CREB5: variants seen among roughly 807,000 people sequenced by gnomAD.
CREB5 encodes cyclic AMP-responsive element-binding protein 5.
Under a neutral mutation model 57.1 loss-of-function variants are expected in CREB5, and 19 were observed. That is an observed-to-expected ratio of 0.33 (90% confidence interval 0.23 to 0.49). The LOEUF is 0.49. Among genes scored for constraint, CREB5 ranks in the 20% least tolerant of loss-of-function variants. CREB5 has a pLI of 0.99. For synonymous variants in CREB5, 238 were observed against 238.3 expected, an observed-to-expected ratio of 1.00 and a Z score of 0.01; for missense variants, 579 against 671.6, an observed-to-expected ratio of 0.86 and a Z score of 1.52.
At chr7:28,492,604 T>C (rs1791852869) in intron 2 of CREB5, among the ~76,000 whole-genome samples, 1 of 152,028 alleles carries the variant, frequency 6.6e-6, no homozygotes, top group African/African-American at 2.4e-5. Flanking sequence ...AATTGTTATT[T>C]AAGAAGTATT....
At chr7:28,300,024 G>A (rs763328007) in intron 1 of CREB5, among the ~76,000 whole-genome samples, 9 of 151,542 alleles carry the variant, frequency 5.9e-5, no homozygotes, top group African/African-American at 1.5e-4. Context: ...CCTGTTTTCC[G>A]TTTTGTTATT....
intron 4 of CREB5, among the ~76,000 whole-genome samples, chr7:28,560,913 T>TGCGTGC: frequency 4.5e-5 from 1 of 21,998 alleles, no homozygotes; most frequent in African/African-American, 1.7e-4. Context: ...CGCGTGCGTG[T>TGCGTGC]GCGTGTGTGC....
chr7:28,608,150 CACA>C (rs1245726434), intron 5 of CREB5, among the ~76,000 whole-genome samples: 1 of 151,210 alleles, frequency 6.6e-6, no homozygotes, highest in African/African-American at 2.4e-5. Flanking sequence ...CACACACACA[CACA>C]CACTCTCAAA....
chr7:28,694,911 C>G (rs908624224), intron 5 of CREB5, among the ~76,000 whole-genome samples: 1 of 152,132 alleles, frequency 6.6e-6, no homozygotes, highest in Non-Finnish European at 1.5e-5. Context: ...CAACCCAACC[C>G]GTTCACCTTA....
intron 4 of CREB5, among the ~76,000 whole-genome samples, chr7:28,517,488 G>A (rs1793021254): frequency 6.6e-6 from 1 of 152,124 alleles, no homozygotes; most frequent in Non-Finnish European, 1.5e-5. Context: ...AACCATGCAG[G>A]GCCATTTCCC....
intron 5 of CREB5, among the ~76,000 whole-genome samples, chr7:28,647,512 C>CA (rs1331043370): frequency 6.6e-6 from 1 of 152,014 alleles, no homozygotes; most frequent in East Asian, 1.9e-4. Context: ...AGTAAACAAA[C>CA]AAAAAATCCA....
chr7:28,501,188 T>A (rs1236782607), intron 3 of CREB5, among the ~76,000 whole-genome samples: 1 of 152,222 alleles, frequency 6.6e-6, no homozygotes, highest in Non-Finnish European at 1.5e-5. Flanking sequence ...AAGAACACAT[T>A]TTGGTCTCAG....
intron 1 of CREB5, among the ~76,000 whole-genome samples, chr7:28,305,079 A>G (rs934374618): frequency 6.6e-6 from 1 of 152,056 alleles, no homozygotes; most frequent in Non-Finnish European, 1.5e-5. Context: ...CAAAGCTATG[A>G]GTTGCCAATC....
At chr7:28,719,632 G>A (rs374963513) in intron 6 of CREB5, among the ~76,000 whole-genome samples, 3 of 152,260 alleles carry the variant, frequency 2.0e-5, no homozygotes, top group East Asian at 1.9e-4. Flanking sequence ...TTCCAGATGA[G>A]GAGACTGAGG....
chr7:28,464,568 G>A (rs1230718848), intron 1 of CREB5, among the ~76,000 whole-genome samples: 1 of 149,772 alleles, frequency 6.7e-6, no homozygotes, highest in South Asian at 2.1e-4. Context: ...CTTGTTGCAT[G>A]TTTATTCAGA....
chr7:28,655,938 C>T (rs1027353217), intron 5 of CREB5, among the ~76,000 whole-genome samples: 1 of 151,972 alleles, frequency 6.6e-6, no homozygotes, highest in African/African-American at 2.4e-5. Flanking sequence ...AATTAATCCC[C>T]ATCAAGGCCA....
At chr7:28,316,745 C>T (rs1047161108) in intron 1 of CREB5, among the ~76,000 whole-genome samples, 1 of 152,088 alleles carries the variant, frequency 6.6e-6, no homozygotes, top group African/African-American at 2.4e-5. Flanking sequence ...CTTAGTACAG[C>T]ATGATTGAGT....
chr7:28,498,778 C>T lies in CREB5; in HGVS notation c.169+3779C>T, dbSNP rs79904758. ...GAGAGCAAAGACTTGCACAACCCTTCGCCTGGGTCTTCTCATCTTTATTTG... is the reference window on the plus strand; with the variant it reads ...GAGAGCAAAGACTTGCACAACCCTTTGCCTGGGTCTTCTCATCTTTATTTG... On this transcript the variant is annotated intron_variant, in intron 3 of 10. Coordinates refer to ENST00000357727, the MANE Select transcript of CREB5 (RefSeq NM_182898.4). Among the ~76,000 whole-genome samples the T allele has an allele frequency of 3.2e-3, 486 of 152,252 alleles. 7 individuals carry two copies. In the South Asian group the frequency reaches 0.032, roughly 10 times the overall value.
chr7:28,343,661 T>C (rs1003161559), intron 1 of CREB5, among the ~76,000 whole-genome samples: 4 of 152,236 alleles, frequency 2.6e-5, no homozygotes, highest in Admixed American at 1.3e-4. Flanking sequence ...TCTTGGCTAT[T>C]GCGCAATAAA....
chr7:28,384,981 T>C (rs1318122904), intron 1 of CREB5, among the ~76,000 whole-genome samples: 3 of 152,302 alleles, frequency 2.0e-5, no homozygotes, highest in African/African-American at 7.2e-5. Context: ...AATCAGTGTT[T>C]ATATAATTAG....
intron 4 of CREB5, among the ~76,000 whole-genome samples, chr7:28,537,222 A>G (rs1793998790): frequency 6.6e-6 from 1 of 152,220 alleles, no homozygotes; most frequent in South Asian, 2.1e-4. Context: ...ATGTTATGAG[A>G]TACATGAGAT....
intron 5 of CREB5, among the ~76,000 whole-genome samples, chr7:28,646,348 G>A (rs1052035626): frequency 1.3e-5 from 2 of 151,928 alleles, no homozygotes; most frequent in African/African-American, 2.4e-5. Flanking sequence ...TAGTGGTTAG[G>A]GGGAAAAAAA....
intron 1 of CREB5, among the ~76,000 whole-genome samples, chr7:28,404,319 GT>G (rs1424600414): frequency 6.6e-6 from 1 of 151,860 alleles, no homozygotes; most frequent in South Asian, 2.1e-4. Context: ...GATGCCATTG[GT>G]TTTTTTTGCA....
At chr7:28,472,028 A>T (rs1159208591) in intron 1 of CREB5, among the ~76,000 whole-genome samples, 1 of 152,206 alleles carries the variant, frequency 6.6e-6, no homozygotes, top group East Asian at 1.9e-4. Context: ...AGTTCTGTAA[A>T]GCAAACCAAA....
Sources: gnomAD v4.1 joint callset for allele counts (sites outside exome capture counted in the v4.1 genomes callset) on GRCh38, gnomAD v4.1.1 for gene constraint, MANE v1.5 for transcripts, NCBI Gene and HGNC (gene_info 2026-07-23, HGNC 2026-07-21) for gene names.